The following LVRN variants were observed in gnomAD, a reference collection of about 807,000 sequenced individuals.
LVRN encodes the protein laeverin, also known as aminopeptidase Q.
A neutral mutation model predicts 111.4 loss-of-function variants in LVRN; 99 were observed. The ratio of observed to expected loss-of-function variants is 0.89; its 90% CI spans 0.76 to 1.05. LVRN has a LOEUF of 1.05. Ranked by LOEUF, LVRN falls within the 50% of genes least tolerant of loss-of-function variation. LVRN has a pLI of 0.00. For missense variants in LVRN, 1,414 were observed against 1,206.8 expected, an observed-to-expected ratio of 1.17 and a Z score of -2.54; for synonymous variants, 488 against 449.5, an observed-to-expected ratio of 1.09 and a Z score of -1.08.
rs1402425555 is a variant in LVRN at position 116,026,290 on chromosome 5, G to A, written c.*172G>A. ...ATTGTCATGTTTGGCCCTGAGGGTG[G>A]GTGATTGCTGACAATTTTGCCAATG... On this transcript the variant is annotated 3_prime_UTR_variant, in exon 20 of 20. Transcript: ENST00000357872. 8 of 957,742 alleles carry A rather than the reference G, an allele frequency of 8.4e-6. No individual in the cohort carries two copies. In the South Asian group the frequency reaches 1.0e-4, roughly 12 times the overall value. 59.3% of individuals were successfully genotyped at this position (957,742 alleles called of 1,614,324 possible). A position where few individuals can be genotyped will look rare whatever the true frequency, so the allele number is the denominator to read the frequency against.
chr5:116,018,605 C>T (rs1051216366), intron 18 of LVRN, among the ~76,000 whole-genome samples: 8 of 151,042 alleles, frequency 5.3e-5, no homozygotes, highest in African/African-American at 1.7e-4. Context: ...CCGGGAGGTG[C>T]AGGTTGCAGT....
chr5:115,975,303 A>C, intron 1 of LVRN: 1 of 334,362 alleles, frequency 3.0e-6, no homozygotes, highest in Non-Finnish European at 5.7e-6. Context: ...TGACAAAGTT[A>C]TTCATTTGCA....
At chr5:116,024,267 G>A (rs780772069) in intron 19 of LVRN, among the ~76,000 whole-genome samples, 1 of 152,052 alleles carries the variant, frequency 6.6e-6, no homozygotes, top group South Asian at 2.1e-4. Flanking sequence ...TAAACACCAG[G>A]GCCTGAAACT....
intron 19 of LVRN, among the ~76,000 whole-genome samples, chr5:116,025,068 C>G (rs182909861): frequency 1.3e-5 from 2 of 152,158 alleles, no homozygotes; most frequent in Non-Finnish European, 2.9e-5. Flanking sequence ...CCACTCCCCT[C>G]CCACCACTAC....
At position 116,015,241 on chromosome 5, in the gene LVRN, A is replaced by T; in HGVS notation, c.2451-11A>T. 1 of 1,553,946 alleles carries T rather than the reference A, an allele frequency of 6.4e-7. No homozygotes were observed. The highest frequency in any genetic ancestry group is 2.3e-5 in the East Asian group (1 of 43,278). ...ACTATGAAAAATATCATTTTATGTT[A>T]TATTTTACAGAATACCTTATCCAAT... On this transcript the variant is annotated splice_polypyrimidine_tract_variant and intron_variant, in intron 16 of 19. Transcript: ENST00000357872.
At chr5:116,000,569 A>G in intron 8 of LVRN, 24 bp from the exon 9 acceptor site, 1 of 1,613,394 alleles carries the variant, frequency 6.2e-7, no homozygotes, top group Non-Finnish European at 8.5e-7. Flanking sequence ...ATTTATTTTA[A>G]CCTTAACTTT....
chr5:116,014,734 T>C (rs1748564440), intron 16 of LVRN, among the ~76,000 whole-genome samples: 1 of 152,214 alleles, frequency 6.6e-6, no homozygotes, highest in South Asian at 2.1e-4. Flanking sequence ...ATACAATGAA[T>C]TGTCACCTAG....
In LVRN at chr5:115,963,019, G is replaced by T. The variant is rs769874025; in HGVS notation, c.402G>T (p.Thr134=). 31 of 1,613,490 alleles carry T rather than the reference G, an allele frequency of 1.9e-5. No individual in the cohort carries two copies. The highest frequency in any genetic ancestry group is 2.6e-5 in the Non-Finnish European group (31 of 1,179,922). ...SLPFTGRVNI[T]VRCTVATSRL... is the part of the protein sequence containing the mutation. Reference sequence around the variant, plus strand: ...CCTTCACTGGCCGCGTGAACATCACGGTGCGCTGCACGGTGGCCACCTCTC... The same window carrying T: ...CCTTCACTGGCCGCGTGAACATCACTGTGCGCTGCACGGTGGCCACCTCTC... Residue 134 remains threonine, a synonymous_variant, in exon 1 of 20, where the codon ACG becomes ACT. Transcript: ENST00000357872.
At position 116,019,278 on chromosome 5, in the gene LVRN, A is replaced by G. The variant is rs527292471; in HGVS notation, c.2757-3113A>G. On this transcript the variant is annotated intron_variant, in intron 18 of 19. Transcript: ENST00000357872. ...GCTACAATGTTACAATGACTATGAC[A>G]TTGCTAGGGGATAGGAATTTTGTAG... Among the ~76,000 whole-genome samples the G allele has an allele frequency of 1.4e-3, 207 of 152,354 alleles. 2 individuals are homozygous for G. Among genetic ancestry groups the G allele is most frequent in the African/African-American group, 4.9e-3 (202 of 41,584 alleles).
intron 17 of LVRN, 59 bp downstream of exon 17, chr5:116,015,478 A>G (rs1341250693): frequency 6.8e-7 from 1 of 1,480,502 alleles, no homozygotes; most frequent in African/African-American, 1.4e-5. Flanking sequence ...TAATAAAGGA[A>G]AAAAAATAGA....
At chr5:116,015,899 T>G (rs549891895) in intron 18 of LVRN, 134 bp downstream of exon 18, 9 of 1,107,634 alleles carry the variant, frequency 8.1e-6, no homozygotes, top group African/African-American at 4.8e-5. Context: ...CTAGAAAAGT[T>G]ATCATTTTTC....
chr5:116,022,553 T>C (rs372524618), intron 19 of LVRN, 87 bp downstream of exon 19: 94 of 879,422 alleles, frequency 1.1e-4, no homozygotes, highest in East Asian at 2.3e-4. Flanking sequence ...AAAAATAATA[T>C]GCTTATCTGA....
At chr5:115,983,214 C>G (rs1253197534) in intron 1 of LVRN, 73 bp from the exon 2 acceptor site, 1 of 1,440,572 alleles carries the variant, frequency 6.9e-7, no homozygotes, top group Non-Finnish European at 9.2e-7. Context: ...TACAAGCCAT[C>G]ATCTCTCAAT....
chr5:115,994,433 T>C (rs2112588661), intron 6 of LVRN, among the ~76,000 whole-genome samples: 1 of 152,112 alleles, frequency 6.6e-6, no homozygotes, highest in South Asian at 2.1e-4. Context: ...CCACCATGCC[T>C]AGATCATTTT....
intron 1 of LVRN, among the ~76,000 whole-genome samples, chr5:115,980,230 C>T (rs892310405): frequency 9.2e-5 from 14 of 151,838 alleles, no homozygotes; most frequent in Admixed American, 8.5e-4. Flanking sequence ...GTCAAAATAT[C>T]GTTACAGGGT....
intron 1 of LVRN, among the ~76,000 whole-genome samples, chr5:115,967,213 C>A (rs4412142): frequency 1.3e-5 from 2 of 152,000 alleles, no homozygotes; most frequent in Non-Finnish European, 2.9e-5. Flanking sequence ...GGTGTCATGC[C>A]TGAGAACTCT....
intron 18 of LVRN, among the ~76,000 whole-genome samples, chr5:116,021,996 G>C (rs56941436): frequency 0.053 from 8,096 of 152,030 alleles, 603 homozygotes; most frequent in African/African-American, 0.17. Flanking sequence ...ACGTTCAGGG[G>C]GCTTTAGTCA....
At position 116,010,724 on chromosome 5, in the gene LVRN, G is replaced by C; in HGVS notation, c.2094-17G>C. ...AAGTGAAGGTTTTTTGAGTGTGTGTGTTTTTAAATCAAACAGAAACAATTA... is the reference window on the plus strand; with the variant it reads ...AAGTGAAGGTTTTTTGAGTGTGTGTCTTTTTAAATCAAACAGAAACAATTA... On this transcript the variant is annotated splice_polypyrimidine_tract_variant and intron_variant, in intron 13 of 19. Transcript: ENST00000357872. 1 of 1,576,692 alleles carries C rather than the reference G, an allele frequency of 6.3e-7. No homozygotes were observed. The highest frequency in any genetic ancestry group is 1.7e-4 in the Middle Eastern group (1 of 5,846).
intron 4 of LVRN, among the ~76,000 whole-genome samples, chr5:115,991,056 C>T (rs1747974304): frequency 6.6e-6 from 1 of 152,084 alleles, no homozygotes; most frequent in Non-Finnish European, 1.5e-5. Context: ...TATTAACTAA[C>T]CTCCCTAGTT....
Sources: allele counts gnomAD v4.1 joint callset (sites outside exome capture counted in the v4.1 genomes callset), GRCh38; gene constraint gnomAD v4.1.1; transcripts MANE v1.5; gene names NCBI Gene and HGNC (gene_info 2026-07-23, HGNC 2026-07-21).